PAXBP1: variants seen among roughly 807,000 people sequenced by gnomAD.
PAXBP1 encodes the protein PAX3- and PAX7-binding protein 1.
In PAXBP1, 44 loss-of-function variants were observed where a neutral mutation model predicts 119.9. That is an observed-to-expected ratio of 0.37 (90% CI 0.29 to 0.47). The LOEUF (loss-of-function observed/expected upper bound fraction) is 0.47, where lower values mean the gene tolerates loss of function less well. PAXBP1 is among the 20% of genes least tolerant of loss of function. The pLI, the probability that PAXBP1 is intolerant of heterozygous loss-of-function variation, is 0.99. For missense variants in PAXBP1, 898 were observed against 1,134.1 expected (o/e 0.79, Z 2.99); for synonymous variants, 393 against 406.6 (o/e 0.97, Z 0.40).
chr21:32,757,107 T>C (rs2146502774), intron 7 of PAXBP1, among the ~76,000 whole-genome samples: 1 of 152,122 alleles, frequency 6.6e-6, no homozygotes, highest in South Asian at 2.1e-4. Context: ...GATTTACAAA[T>C]ATTTAAAACT....
intron 15 of PAXBP1, among the ~76,000 whole-genome samples, chr21:32,740,948 T>C (rs1569154462): frequency 6.6e-6 from 1 of 152,050 alleles, no homozygotes. Context: ...CCAAAATACA[T>C]AAACAAATTC....
chr21:32,761,185 AAAGT>A (rs753828569), intron 4 of PAXBP1, 23 bp from the exon 5 acceptor site: 65 of 1,579,984 alleles, frequency 4.1e-5, no homozygotes, highest in South Asian at 7.8e-5. Flanking sequence ...GCAACAAAGA[AAAGT>A]AAGTAACACC....
At chr21:32,746,978 C>G (rs1008020610) in intron 11 of PAXBP1, among the ~76,000 whole-genome samples, 1 of 151,508 alleles carries the variant, frequency 6.6e-6, no homozygotes, top group Admixed American at 6.6e-5. Flanking sequence ...AGCAAACTAA[C>G]GCAGGAACAG....
intron 13 of PAXBP1, 146 bp downstream of exon 13, chr21:32,744,646 G>T (rs1227916959): frequency 2.7e-6 from 2 of 746,278 alleles, no homozygotes; most frequent in Non-Finnish European, 2.0e-6. Context: ...CAAATTTTGT[G>T]TATTTCAGGC....
At chr21:32,746,409 T>C (rs1049103258) in intron 11 of PAXBP1, among the ~76,000 whole-genome samples, 21 of 151,192 alleles carry the variant, frequency 1.4e-4, no homozygotes, top group Non-Finnish European at 1.5e-5. Flanking sequence ...GGAAACTTTA[T>C]AGGAAAAAAA....
rs777123139 is a variant in PAXBP1, at chr21:32,762,323, A to G, written c.650-6T>C. ...AGCTGCATCTGGAATTTCTCCTAGA[A>G]ACAAATGGTAAGAATATGGCAGTAT... On this transcript the variant is annotated splice_polypyrimidine_tract_variant and splice_region_variant and intron_variant, in intron 3 of 17. Transcript: ENST00000331923. 3.7e-6 allele frequency: 6 copies of G among 1,611,440 alleles called. No individual in the cohort carries two copies. The highest frequency in any genetic ancestry group is 5.1e-6 in the Non-Finnish European group (6 of 1,178,402).
intron 2 of PAXBP1, among the ~76,000 whole-genome samples, chr21:32,764,916 G>C (rs536658665): frequency 1.3e-5 from 2 of 152,284 alleles, no homozygotes; most frequent in South Asian, 4.1e-4. Flanking sequence ...TTTTATGTTA[G>C]TATTTCATTA....
chr21:32,768,549 C>A (rs969048752), intron 2 of PAXBP1, among the ~76,000 whole-genome samples: 5 of 152,010 alleles, frequency 3.3e-5, no homozygotes, highest in African/African-American at 1.2e-4. Context: ...GAATTTCCTA[C>A]TAAATCAGTA....
At position 32,734,113 on chromosome 21, in the gene PAXBP1, G is replaced by A. The variant is rs1482399712; in HGVS notation, c.*837C>T. 1 of 152,566 alleles carries A rather than the reference G, an allele frequency of 6.6e-6. No individual in the cohort carries two copies. Among genetic ancestry groups the A allele is most frequent in the Non-Finnish European group, 1.5e-5 (1 of 68,032 alleles). The allele number at this position is 152,566 out of a possible 1,614,324, so 9.5% of individuals were successfully genotyped here. ...TGCCTGGGTGTGGCTAATCAGCAAGGCGTATTCTTTATTGCATATTTAACT... is the reference window on the plus strand; with the variant it reads ...TGCCTGGGTGTGGCTAATCAGCAAGACGTATTCTTTATTGCATATTTAACT... On this transcript the variant is annotated 3_prime_UTR_variant, in exon 18 of 18. Coordinates refer to ENST00000331923, the MANE Select transcript of PAXBP1 (RefSeq NM_016631.4).
intron 9 of PAXBP1, 28 bp from the exon 10 acceptor site, chr21:32,751,060 C>G (rs770452305): frequency 3.0e-5 from 48 of 1,613,056 alleles, no homozygotes; most frequent in Non-Finnish European, 4.0e-5. Context: ...AGTTCCCAAA[C>G]TAGATAACAG....
At chr21:32,756,700 G>A (rs1466241860) in intron 7 of PAXBP1, 3 of 225,754 alleles carry the variant, frequency 1.3e-5, no homozygotes, top group South Asian at 5.6e-5. Flanking sequence ...AAAGATAAAT[G>A]AGCCTGAGGC....
chr21:32,737,924 T>A (rs533536896), intron 16 of PAXBP1, among the ~76,000 whole-genome samples: 2 of 152,254 alleles, frequency 1.3e-5, no homozygotes, highest in African/African-American at 4.8e-5. Context: ...TATAAAAATA[T>A]CAAAACTTTC....
rs1491165069 is a variant in PAXBP1 at position 32,760,902 on chromosome 21, C to CGTGCGTGTGTGTGTGT, written c.975+156_975+157insACACACACACACGCAC. ...CTACGTGTCTCTGTGTGCGTGCGTG[C>CGTGCGTGTGTGTGTGT]GTGTGTGTGTGTGTGTGTGTGTGTG... On this transcript the variant is annotated intron_variant, in intron 5 of 17. Transcript: ENST00000331923. Among the ~76,000 whole-genome samples the CGTGCGTGTGTGTGTGT allele has an allele frequency of 1.4e-4, 18 of 127,788 alleles. No individual in the cohort carries two copies. In the East Asian group the frequency reaches 1.6e-3, roughly 11 times the overall value. 83.8% of individuals were successfully genotyped at this position (127,788 alleles called of 152,430 possible).
chr21:32,765,712 T>G (rs1391817471), intron 2 of PAXBP1, among the ~76,000 whole-genome samples: 5 of 149,892 alleles, frequency 3.3e-5, no homozygotes, highest in African/African-American at 5.0e-5. Flanking sequence ...TTCATTTTTT[T>G]TCTTTTTTTT....
intron 2 of PAXBP1, among the ~76,000 whole-genome samples, chr21:32,767,006 T>C: frequency 6.6e-6 from 1 of 151,968 alleles, no homozygotes; most frequent in East Asian, 1.9e-4. Context: ...CATGTAGGCT[T>C]ACTAGAGTAG....
chr21:32,738,317 C>T lies in PAXBP1; in HGVS notation c.2337G>A (p.Leu779=). 1 of 1,578,808 alleles carries T rather than the reference C, an allele frequency of 6.3e-7. No individual in the cohort carries two copies. The highest frequency in any genetic ancestry group is 8.5e-7 in the Non-Finnish European group (1 of 1,170,320). The change falls in exon 16 of 18, where the codon CTG becomes CTA. Residue 779 remains leucine (L), a splice_region_variant and synonymous_variant. Transcript: ENST00000331923. ...CATACCACTGAAGAAAATTGCCTAA[C>T]AGCTGGAAAGAAGAAAAAAAATAGG... ...FQRQFWSSVK[L]LGNFLQWYGI... is the part of the protein sequence containing the mutation.
Position 32,764,403 on chromosome 21 carries a change from T to C in PAXBP1, c.594A>G (p.Pro198=). ...DMESEKEEEK[P]KTGGAFSNAL... is the part of the protein sequence containing the mutation. ...CATTTGAAAAAGCTCCACCAGTCTT[T>C]GGCTTTTCTTCCTCTTTTTCACTTT... The change falls in exon 3 of 18, where the codon CCA becomes CCG. Residue 198 remains proline, a synonymous_variant. Transcript: ENST00000331923. 1.9e-6 allele frequency: 3 copies of C among 1,613,920 alleles called. No homozygotes were observed. Among genetic ancestry groups the C allele is most frequent in the Non-Finnish European group, 2.5e-6 (3 of 1,179,916 alleles).
At chr21:32,738,380 G>A in intron 15 of PAXBP1, 61 bp from the exon 16 acceptor site, 5 of 1,374,000 alleles carry the variant, frequency 3.6e-6, no homozygotes, top group African/African-American at 1.5e-5. Context: ...AAGTAAATAA[G>A]TTACATAGTA....
Position 32,761,133 on chromosome 21 carries a change from C to G in PAXBP1, c.901G>C (p.Val301Leu). Residue 301 changes from valine (V) to leucine (L), a missense_variant, in exon 5 of 18, where the codon GTA becomes CTA. By Grantham distance (32) the Val-to-Leu change is conservative (BLOSUM62 1). This residue lies in a region of PAXBP1 where 599 missense variants were observed against 852.7 expected (regional missense o/e 0.70). Transcript: ENST00000331923. ...GIEGSDDDAL[V>L]TGEQDEELSR... The stretch of plus-strand genomic sequence containing the variant: ...AGCTCTTCATCCTGTTCTCCAGTTA[C>G]TAAAGCATCATCATCACTCCCCTCA... The G allele has an allele frequency of 6.2e-7, 1 of 1,614,008 alleles. No individual in the cohort carries two copies. The highest frequency in any genetic ancestry group is 1.7e-5 in the Admixed American group (1 of 60,002).
Sources: allele counts gnomAD v4.1 joint callset (sites outside exome capture counted in the v4.1 genomes callset), GRCh38; gene constraint gnomAD v4.1.1; regional missense constraint gnomAD v4.1.1; transcripts MANE v1.5; gene names NCBI Gene and HGNC (gene_info 2026-07-23, HGNC 2026-07-21).